Variants in BNC2 observed in about 807,000 individuals in gnomAD.
BNC2 encodes basonuclin zinc finger protein 2, also known as zinc finger protein basonuclin-2.
In BNC2, 20 loss-of-function variants were observed where a neutral mutation model predicts 76.3. The observed-to-expected ratio is 0.26, with a 90% CI of 0.18 to 0.38. The LOEUF (loss-of-function observed/expected upper bound fraction) is 0.38, where lower values mean the gene tolerates loss of function less well. BNC2 is among the 10% of genes least tolerant of loss of function. The pLI is 1.00. For missense variants in BNC2, 1,382 were observed against 1,399.8 expected, an observed-to-expected ratio of 0.99 and a Z score of 0.20; for synonymous variants, 582 against 514.8, an observed-to-expected ratio of 1.13 and a Z score of -1.77.
intron 3 of BNC2, among the ~76,000 whole-genome samples, chr9:16,622,403 A>C (rs1820889002): frequency 6.6e-6 from 1 of 152,220 alleles, no homozygotes; most frequent in Admixed American, 6.5e-5. Context: ...GAATAAACCA[A>C]GATGACGTAT....
chr9:16,639,122 G>C (rs568254901), intron 3 of BNC2, among the ~76,000 whole-genome samples: 2 of 152,162 alleles, frequency 1.3e-5, no homozygotes, highest in African/African-American at 4.8e-5. Flanking sequence ...TAATAAGTTT[G>C]AGGTTATCAA....
chr9:16,662,564 C>T (rs1002177461), intron 3 of BNC2, among the ~76,000 whole-genome samples: 4 of 152,088 alleles, frequency 2.6e-5, no homozygotes, highest in Non-Finnish European at 5.9e-5. Context: ...GGTGAAACCT[C>T]GTCTCCACTA....
intron 3 of BNC2, among the ~76,000 whole-genome samples, chr9:16,591,729 T>C (rs1819935504): frequency 6.6e-6 from 1 of 152,218 alleles, no homozygotes; most frequent in African/African-American, 2.4e-5. Context: ...GAAGTTATTC[T>C]GTCTCCTTAA....
chr9:16,631,694 T>C (rs149665616), intron 3 of BNC2, among the ~76,000 whole-genome samples: 3 of 152,226 alleles, frequency 2.0e-5, no homozygotes, highest in East Asian at 3.9e-4. Flanking sequence ...TGAACAAATA[T>C]AAGGAAAAGC....
chr9:16,446,114 A>G (rs1007075804), intron 5 of BNC2, among the ~76,000 whole-genome samples: 7 of 152,202 alleles, frequency 4.6e-5, no homozygotes, highest in Admixed American at 2.6e-4. Context: ...GATACTTTAA[A>G]GGAGTTACTC....
chr9:16,641,307 A>C (rs1183699497), intron 3 of BNC2, among the ~76,000 whole-genome samples: 2 of 152,208 alleles, frequency 1.3e-5, no homozygotes, highest in Non-Finnish European at 2.9e-5. Flanking sequence ...ATCATGGAAA[A>C]GATCTTAAAT....
At chr9:16,755,979 AC>A (rs1825373820) in intron 1 of BNC2, among the ~76,000 whole-genome samples, 1 of 152,222 alleles carries the variant, frequency 6.6e-6, no homozygotes, top group Non-Finnish European at 1.5e-5. Context: ...ATGTAGAGAT[AC>A]GTCTAAGTCA....
intron 1 of BNC2, among the ~76,000 whole-genome samples, chr9:16,816,331 ACAC>A (rs975690623): frequency 2.8e-4 from 43 of 152,298 alleles, no homozygotes; most frequent in African/African-American, 1.0e-3. Flanking sequence ...AGTGTTCTTC[ACAC>A]CACCACTTCA....
chr9:16,813,750 G>T (rs923080372), intron 1 of BNC2, among the ~76,000 whole-genome samples: 31 of 152,134 alleles, frequency 2.0e-4, no homozygotes, highest in Non-Finnish European at 4.0e-4. Flanking sequence ...AGAAGAGGAG[G>T]TATTCTTAAT....
chr9:16,418,890 C>CACACACAT lies in BNC2; in HGVS notation c.*98_*99insATGTGTGT. ...ACATAAATGCACACACACACACACA[C>CACACACAT]ACACACACACCCCAAGTACATAAGC... On this transcript the variant is annotated 3_prime_UTR_variant, in exon 7 of 7. Coordinates refer to ENST00000380672, the MANE Select transcript of BNC2 (RefSeq NM_017637.6). The CACACACAT allele has an allele frequency of 7.4e-7, 1 of 1,346,254 alleles. No individual in the cohort carries two copies. The highest frequency in any genetic ancestry group is 1.1e-6 in the Non-Finnish European group (1 of 938,354). 83.4% of individuals were successfully genotyped at this position (1,346,254 alleles called of 1,614,324 possible).
chr9:16,447,759 G>A (rs1821257949), intron 5 of BNC2, among the ~76,000 whole-genome samples: 1 of 151,874 alleles, frequency 6.6e-6, no homozygotes, highest in Non-Finnish European at 1.5e-5. Flanking sequence ...ATACCAGTAG[G>A]GTTTGTGAAC....
intron 1 of BNC2, among the ~76,000 whole-genome samples, chr9:16,757,752 G>A (rs1192460269): frequency 1.3e-5 from 2 of 149,064 alleles, no homozygotes; most frequent in African/African-American, 2.5e-5. Flanking sequence ...TTGCAAGGTC[G>A]CATCAAGTTC....
intron 5 of BNC2, among the ~76,000 whole-genome samples, chr9:16,449,794 G>A (rs1821301412): frequency 1.4e-5 from 2 of 148,138 alleles, no homozygotes; most frequent in South Asian, 2.3e-4. Context: ...TGGAAATGGG[G>A]GTGAATGGGA....
intron 1 of BNC2, among the ~76,000 whole-genome samples, chr9:16,820,227 A>C (rs974631627): frequency 1.4e-5 from 2 of 147,542 alleles, no homozygotes; most frequent in East Asian, 2.0e-4. Flanking sequence ...GAAGTTCAAG[A>C]CCACCCTGGT....
chr9:16,437,502 T>G lies in BNC2; in HGVS notation c.692A>C (p.Asp231Ala). ...ILQDAAGKVLDRWAIMSREEE... is the reference protein window; with the variant it reads ...ILQDAAGKVLARWAIMSREEE... ...TTCTCGAGACATGATGGCCCAGCGG[T>G]CCAGCACCTTGCCAGCAGCATCCTA... is the stretch of plus-strand genomic sequence containing the variant. Residue 231 changes from aspartate (D) to alanine (A), a missense_variant, in exon 6 of 7, where the codon GAC becomes GCC. Physicochemically the swap from Asp to Ala is moderately radical, Grantham distance 126 (BLOSUM62 -2). Coordinates refer to ENST00000380672, the MANE Select transcript of BNC2 (RefSeq NM_017637.6). 6.2e-7 allele frequency: 1 copy of G among 1,613,110 alleles called. No homozygotes were observed. Among genetic ancestry groups the G allele is most frequent in the Non-Finnish European group, 8.5e-7 (1 of 1,179,992 alleles).
intron 4 of BNC2, among the ~76,000 whole-genome samples, chr9:16,562,709 C>T (rs1334741129): frequency 6.6e-6 from 1 of 152,072 alleles, no homozygotes; most frequent in Non-Finnish European, 1.5e-5. Context: ...GTCATGATAC[C>T]TAGCAAAATT....
intron 1 of BNC2, among the ~76,000 whole-genome samples, chr9:16,800,883 GA>G (rs200850914): frequency 8.6e-5 from 13 of 151,078 alleles, no homozygotes; most frequent in African/African-American, 1.7e-4. Context: ...TTCTGATGTA[GA>G]AAAAAAAGGG....
chr9:16,762,163 A>G (rs7862734), intron 1 of BNC2, among the ~76,000 whole-genome samples: 22,876 of 151,988 alleles, frequency 0.15, 2,429 homozygotes, highest in African/African-American at 0.28. Context: ...TTGATCCTCT[A>G]TTTTTTCATG....
At chr9:16,545,337 A>T (rs1303629257) in intron 5 of BNC2, among the ~76,000 whole-genome samples, 1 of 152,190 alleles carries the variant, frequency 6.6e-6, no homozygotes, top group Non-Finnish European at 1.5e-5. Flanking sequence ...TATCATATTA[A>T]TAGTTAGCAT....
Sources: allele counts gnomAD v4.1 joint callset (sites outside exome capture counted in the v4.1 genomes callset), GRCh38; gene constraint gnomAD v4.1.1; transcripts MANE v1.5; gene names NCBI Gene and HGNC (gene_info 2026-07-23, HGNC 2026-07-21).